Variants in C10orf143 observed in about 807,000 individuals in gnomAD.
The protein encoded by C10orf143 is uncharacterized protein C10orf143.
intron 3 of C10orf143, among the ~76,000 whole-genome samples, chr10:130,076,523 G>T (rs749724597): frequency 3.9e-5 from 6 of 152,196 alleles, no homozygotes; most frequent in Non-Finnish European, 5.9e-5. Flanking sequence ...AGCACTGAGA[G>T]GCTACAAAAC....
At chr10:130,097,900 G>C (rs1861487744) in intron 1 of C10orf143, among the ~76,000 whole-genome samples, 1 of 152,116 alleles carries the variant, frequency 6.6e-6, no homozygotes, top group Admixed American at 6.5e-5. Context: ...CTGGAGCTAG[G>C]GGTGTGAACA....
At chr10:130,060,561 C>T (rs903473632), downstream of C10orf143, among the ~76,000 whole-genome samples, 14 of 152,162 alleles carry the variant, frequency 9.2e-5, no homozygotes, top group Admixed American at 1.3e-4. Flanking sequence ...CAGTGGCTCA[C>T]GCCTGTAATC....
At chr10:130,045,602 C>T (rs958271233) in intron 3 of C10orf143, among the ~76,000 whole-genome samples, 2 of 152,234 alleles carry the variant, frequency 1.3e-5, no homozygotes, top group African/African-American at 2.4e-5. Flanking sequence ...TTTCTGTTCT[C>T]TGGCATTTTC....
At chr10:130,077,035 G>A (rs1193021892) in intron 3 of C10orf143, among the ~76,000 whole-genome samples, 3 of 152,114 alleles carry the variant, frequency 2.0e-5, no homozygotes, top group African/African-American at 4.8e-5. Context: ...TCAGGGCTAC[G>A]AGGTGACGGT....
intron 3 of C10orf143, among the ~76,000 whole-genome samples, chr10:130,047,404 C>A (rs189705871): frequency 6.6e-6 from 1 of 152,196 alleles, no homozygotes; most frequent in Non-Finnish European, 1.5e-5. Flanking sequence ...GGGCTTGGGG[C>A]GGGAGGGTCT....
At chr10:130,095,501 AAG>A (rs1431805234) in intron 1 of C10orf143, among the ~76,000 whole-genome samples, 3 of 152,190 alleles carry the variant, frequency 2.0e-5, no homozygotes, top group African/African-American at 7.2e-5. Flanking sequence ...CCTAAGCAAA[AAG>A]AACAAAGCTG....
At chr10:130,107,698 G>T (rs573587877) in intron 1 of C10orf143, 56 of 1,271,018 alleles carry the variant, frequency 4.4e-5, no homozygotes, top group Non-Finnish European at 6.1e-5. Context: ...TGCCTCCAGG[G>T]GGGGAAGGAA....
At chr10:130,049,383 C>T (rs1381991288) in intron 3 of C10orf143, among the ~76,000 whole-genome samples, 5 of 152,210 alleles carry the variant, frequency 3.3e-5, no homozygotes, top group Admixed American at 6.5e-5. Context: ...TATTCAGAGC[C>T]GGAGCTCCAA....
chr10:130,075,065 G>T (rs1215268865), intron 3 of C10orf143, among the ~76,000 whole-genome samples: 1 of 151,778 alleles, frequency 6.6e-6, no homozygotes, highest in African/African-American at 2.4e-5. Flanking sequence ...TATTAAGACT[G>T]CTCCTTTGCT....
chr10:130,037,430 G>C (rs1860557065), intron 3 of C10orf143, among the ~76,000 whole-genome samples: 3 of 152,188 alleles, frequency 2.0e-5, no homozygotes, highest in African/African-American at 7.2e-5. Flanking sequence ...TCGTTCACAA[G>C]CCCTGCCTGC....
chr10:130,072,187 G>A (rs548219672), intron 3 of C10orf143, among the ~76,000 whole-genome samples: 1 of 152,092 alleles, frequency 6.6e-6, no homozygotes, highest in African/African-American at 2.4e-5. Flanking sequence ...TCTACACTTA[G>A]GCCAATTAAC....
intron 1 of C10orf143, among the ~76,000 whole-genome samples, chr10:130,094,707 G>A (rs917688810): frequency 1.3e-5 from 2 of 152,096 alleles, no homozygotes; most frequent in African/African-American, 2.4e-5. Flanking sequence ...CAATAAACTA[G>A]GTACTGATGG....
At chr10:130,052,468 C>T (rs1263693270) in intron 3 of C10orf143, among the ~76,000 whole-genome samples, 1 of 152,158 alleles carries the variant, frequency 6.6e-6, no homozygotes, top group Non-Finnish European at 1.5e-5. Context: ...GGGATAGTTA[C>T]TGCCCCCAGA....
chr10:130,106,489 A>G, intron 1 of C10orf143: 1 of 1,602,144 alleles, frequency 6.2e-7, no homozygotes, highest in Non-Finnish European at 8.5e-7. Context: ...TTCTCTGTCT[A>G]GAAAAAGAGT....
At chr10:130,108,172 G>A (rs1161183519) in intron 1 of C10orf143, 11 of 1,576,650 alleles carry the variant, frequency 7.0e-6, no homozygotes, top group East Asian at 4.5e-5. Flanking sequence ...CAAGGGGCCC[G>A]TTCATGAGAA....
downstream of C10orf143, among the ~76,000 whole-genome samples, chr10:130,062,082 C>G (rs1860863586): frequency 6.6e-6 from 1 of 152,148 alleles, no homozygotes; most frequent in Non-Finnish European, 1.5e-5. Flanking sequence ...AGGTGTGGAC[C>G]ACACCTAGGA....
intron 1 of C10orf143, chr10:130,106,341 T>G (rs1861646438): frequency 6.2e-7 from 1 of 1,600,278 alleles, no homozygotes; most frequent in African/African-American, 1.3e-5. Flanking sequence ...TTTAGCCTTG[T>G]TCAAAAAGAG....
intron 1 of C10orf143, among the ~76,000 whole-genome samples, chr10:130,110,028 T>C (rs895302467): frequency 7.7e-6 from 1 of 129,354 alleles, no homozygotes; most frequent in South Asian, 2.5e-4. Context: ...CTTCTTTCAG[T>C]GCCCCTAAGA....
At chr10:130,099,140 G>A (rs1360562707) in intron 1 of C10orf143, among the ~76,000 whole-genome samples, 1 of 151,650 alleles carries the variant, frequency 6.6e-6, no homozygotes, top group African/African-American at 2.4e-5. Flanking sequence ...CTGGCAGGGT[G>A]AACACCTGTA....
Sources: gnomAD v4.1 joint callset for allele counts (sites outside exome capture counted in the v4.1 genomes callset) on GRCh38, gnomAD v4.1.1 for gene constraint, MANE v1.5 for transcripts, NCBI Gene and HGNC (gene_info 2026-07-23, HGNC 2026-07-21) for gene names.